Variants in SERINC5 observed in about 807,000 individuals in gnomAD.
The protein encoded by SERINC5 is serine incorporator 5, also known as chromosome 5 open reading frame 12.
SERINC5 carries 41 observed loss-of-function variants against 63.1 expected under a neutral mutation model. The observed-to-expected ratio is 0.65, with a 90% CI of 0.51 to 0.84. SERINC5 has a LOEUF of 0.84. SERINC5 is among the 40% of genes least tolerant of loss of function. The pLI is 0.00. For missense variants in SERINC5, 523 were observed against 573.0 expected (o/e 0.91, Z 0.89); for synonymous variants, 222 against 215.2 (o/e 1.03, Z -0.28).
chr5:80,134,957 A>G (rs1316006613), downstream of SERINC5, among the ~76,000 whole-genome samples: 1 of 152,262 alleles, frequency 6.6e-6, no homozygotes, highest in Admixed American at 6.5e-5. Context: ...AACTAACACA[A>G]GCACCACTAG....
At chr5:80,122,216 A>ATATATATAATG (rs1561348089) in intron 11 of SERINC5, among the ~76,000 whole-genome samples, 5 of 67,532 alleles carry the variant, frequency 7.4e-5, no homozygotes, top group African/African-American at 3.6e-4. Flanking sequence ...TATATATAAT[A>ATATATATAATG]TGAGTTTATT....
chr5:80,145,675 T>C (rs1053061759), intron 11 of SERINC5, among the ~76,000 whole-genome samples: 1 of 152,208 alleles, frequency 6.6e-6, no homozygotes, highest in Admixed American at 6.5e-5. Context: ...CTTTCCATTT[T>C]CTTAAAGTTG....
At chr5:80,243,011 A>G (rs1752013715) in intron 1 of SERINC5, among the ~76,000 whole-genome samples, 1 of 152,192 alleles carries the variant, frequency 6.6e-6, no homozygotes, top group Non-Finnish European at 1.5e-5. Context: ...CTGAGCTCCT[A>G]TCTCCCTGGC....
intron 1 of SERINC5, among the ~76,000 whole-genome samples, chr5:80,226,867 G>C (rs1281135294): frequency 6.6e-6 from 1 of 152,154 alleles, no homozygotes; most frequent in Non-Finnish European, 1.5e-5. Flanking sequence ...TCACAAGTAA[G>C]AGGATTATAA....
intron 2 of SERINC5, among the ~76,000 whole-genome samples, chr5:80,187,026 C>G (rs2014946): frequency 6.6e-6 from 1 of 151,952 alleles, no homozygotes. Flanking sequence ...ATTAGCCAGG[C>G]GTGGTGGCAC....
At chr5:80,158,099 G>A (rs1746655135) in intron 8 of SERINC5, 1 of 152,158 alleles carries the variant, frequency 6.6e-6, no homozygotes, top group Non-Finnish European at 1.5e-5. Context: ...AGAAGTAAAG[G>A]CTAAATGTGA....
At chr5:80,230,445 C>CAAAAAAAAAAAAAAAAA (rs72476401) in intron 1 of SERINC5, among the ~76,000 whole-genome samples, 1 of 93,194 alleles carries the variant, frequency 1.1e-5, no homozygotes, top group African/African-American at 5.6e-5. Context: ...AAGACTGTCA[C>CAAAAAAAAAAAAAAAAA]AAAAAAAAAA....
chr5:80,161,031 C>CGTGTATATAT (rs1488300711), intron 7 of SERINC5, among the ~76,000 whole-genome samples: 10 of 112,436 alleles, frequency 8.9e-5, no homozygotes, highest in African/African-American at 5.5e-4. Context: ...TATATATACA[C>CGTGTATATAT]ACGTGTATAT....
At chr5:80,245,771 T>C (rs982105186) in intron 1 of SERINC5, among the ~76,000 whole-genome samples, 7 of 151,848 alleles carry the variant, frequency 4.6e-5, no homozygotes, top group African/African-American at 1.7e-4. Flanking sequence ...TGTGCTATCA[T>C]GCCTGGCTAA....
At chr5:80,231,176 T>C (rs1751425179) in intron 1 of SERINC5, among the ~76,000 whole-genome samples, 1 of 152,200 alleles carries the variant, frequency 6.6e-6, no homozygotes, top group Non-Finnish European at 1.5e-5. Context: ...GGAATAGTAC[T>C]TTTAAAAAAC....
chr5:80,246,002 A>C (rs1254903193), intron 1 of SERINC5, among the ~76,000 whole-genome samples: 1 of 148,444 alleles, frequency 6.7e-6, no homozygotes, highest in South Asian at 2.1e-4. Flanking sequence ...AACAGCTAAC[A>C]AAATAAGTCC....
chr5:80,202,521 G>C (rs1474239971), intron 2 of SERINC5, among the ~76,000 whole-genome samples: 1 of 151,986 alleles, frequency 6.6e-6, no homozygotes, highest in African/African-American at 2.4e-5. Context: ...GTTATTCCCG[G>C]GATGGATGCA....
chr5:80,228,308 G>A (rs1751265321), intron 1 of SERINC5, among the ~76,000 whole-genome samples: 1 of 135,614 alleles, frequency 7.4e-6, no homozygotes. Flanking sequence ...AGGGAGGGAG[G>A]GGGAGAGGAG....
chr5:80,237,222 T>C (rs1751735233), intron 1 of SERINC5, among the ~76,000 whole-genome samples: 1 of 152,234 alleles, frequency 6.6e-6, no homozygotes, highest in Non-Finnish European at 1.5e-5. Flanking sequence ...CAAAGACTGG[T>C]GAGTGCTATT....
At chr5:80,204,227 C>T (rs1168552781) in intron 1 of SERINC5, among the ~76,000 whole-genome samples, 2 of 152,134 alleles carry the variant, frequency 1.3e-5, no homozygotes, top group African/African-American at 4.8e-5. Context: ...AGAGGGGATG[C>T]TGGGAACCCC....
At chr5:80,171,883 T>TA (rs1465601605) in intron 5 of SERINC5, among the ~76,000 whole-genome samples, 53 of 147,762 alleles carry the variant, frequency 3.6e-4, no homozygotes, top group African/African-American at 8.0e-4. Flanking sequence ...CCTGTCTCTT[T>TA]AAAAAAAAAG....
At chr5:80,137,326 C>G (rs1745245359), downstream of SERINC5, among the ~76,000 whole-genome samples, 2 of 151,830 alleles carry the variant, frequency 1.3e-5, no homozygotes, top group African/African-American at 4.8e-5. Flanking sequence ...TAGAATCAGC[C>G]CGAGTGTCCA....
rs188139222 is a variant in SERINC5 at position 80,138,737 on chromosome 5, C to A, written c.*4926G>T. 7 of 823,460 alleles carry A rather than the reference C, an allele frequency of 8.5e-6. No individual in the cohort carries two copies. In the East Asian group the frequency reaches 8.7e-4, roughly 103 times the overall value. The allele number at this position is 823,460 out of a possible 1,614,324, so 51.0% of individuals were successfully genotyped here. On this transcript the variant is annotated 3_prime_UTR_variant, in exon 12 of 12. Coordinates refer to ENST00000507668, the MANE Select transcript of SERINC5 (RefSeq NM_001174072.3). ...TTTCAAAACATCATGTTGCACACCA[C>A]AGATATATATCTTTTATTTGTCAAT...
At chr5:80,185,087 C>A (rs1580131084) in intron 2 of SERINC5, among the ~76,000 whole-genome samples, 1 of 152,086 alleles carries the variant, frequency 6.6e-6, no homozygotes, top group Non-Finnish European at 1.5e-5. Context: ...GTTGGCCAGG[C>A]TGGTTTCAAA....
Sources: gnomAD v4.1 joint callset for allele counts (sites outside exome capture counted in the v4.1 genomes callset) on GRCh38, gnomAD v4.1.1 for gene constraint, MANE v1.5 for transcripts, NCBI Gene and HGNC (gene_info 2026-07-23, HGNC 2026-07-21) for gene names.